The following LAMB1 variants were observed in gnomAD, a reference collection of about 807,000 sequenced individuals.
LAMB1 encodes the protein laminin subunit beta 1.
Under a neutral mutation model 222.3 loss-of-function variants are expected in LAMB1, and 121 were observed. The observed-to-expected ratio is 0.54, with a 90% confidence interval of 0.47 to 0.63. LAMB1 has a LOEUF of 0.63. Among genes scored for constraint, LAMB1 ranks in the 30% least tolerant of loss-of-function variants. The pLI is 0.00. For synonymous variants in LAMB1, 794 were observed against 807.2 expected, an observed-to-expected ratio of 0.98 and a Z score of 0.28; for missense variants, 2,172 against 2,240.8, an observed-to-expected ratio of 0.97 and a Z score of 0.62.
At chr7:107,999,418 A>C (rs934534067) in intron 3 of LAMB1, among the ~76,000 whole-genome samples, 1 of 152,242 alleles carries the variant, frequency 6.6e-6, no homozygotes, top group African/African-American at 2.4e-5. Flanking sequence ...TGAAATACAT[A>C]GAGACCCACA....
chr7:107,997,428 TAAACAAAC>T (rs139032514), intron 4 of LAMB1, among the ~76,000 whole-genome samples: 2 of 151,950 alleles, frequency 1.3e-5, no homozygotes, highest in Non-Finnish European at 2.9e-5. Context: ...GCCTCAAAAA[TAAACAAAC>T]AAACAAACAA....
At chr7:107,941,262 T>C (rs1284405134) in intron 24 of LAMB1, among the ~76,000 whole-genome samples, 1 of 152,210 alleles carries the variant, frequency 6.6e-6, no homozygotes, top group Non-Finnish European at 1.5e-5. Context: ...GATTCCCAAA[T>C]TTCAGGTGAC....
intron 8 of LAMB1, 118 bp downstream of exon 8, chr7:107,980,491 G>A (rs1211042812): frequency 5.1e-6 from 4 of 784,650 alleles, no homozygotes; most frequent in Non-Finnish European, 8.4e-6. Context: ...AGGGCTAAAT[G>A]TAACTCTGTA....
intron 24 of LAMB1, among the ~76,000 whole-genome samples, chr7:107,946,370 T>C (rs1409015350): frequency 1.3e-5 from 2 of 152,272 alleles, no homozygotes; most frequent in Non-Finnish European, 2.9e-5. Context: ...GAGATGAATA[T>C]AATTTTACCT....
chr7:107,931,231 A>G, intron 29 of LAMB1, 125 bp downstream of exon 29: 2 of 771,810 alleles, frequency 2.6e-6, no homozygotes, highest in Non-Finnish European at 4.2e-6. Flanking sequence ...AACATTTAAT[A>G]TACGGACGTT....
Position 107,959,502 on chromosome 7 carries a change from G to A in LAMB1, c.2459-22C>T, listed in dbSNP as rs114203275. On this transcript the variant is annotated intron_variant, in intron 19 of 33. Coordinates refer to ENST00000222399, the MANE Select transcript of LAMB1 (RefSeq NM_002291.3). Reference sequence around the variant, plus strand: ...CAAGCTAAAGAAACAGGCAAACAAGGAACTGCCTTGAGAAACTCATTCAAT... The same window carrying A: ...CAAGCTAAAGAAACAGGCAAACAAGAAACTGCCTTGAGAAACTCATTCAAT... 583 of 1,613,080 alleles carry A rather than the reference G, an allele frequency of 3.6e-4. 1 individual carries two copies. The African/African-American group carries it at 7.2e-3, about 20-fold the overall frequency.
chr7:107,927,153 C>G (rs2116312417), intron 31 of LAMB1, among the ~76,000 whole-genome samples: 1 of 152,214 alleles, frequency 6.6e-6, no homozygotes, highest in Admixed American at 6.5e-5. Context: ...TAATAAGGGT[C>G]AGTATAAGAC....
chr7:108,002,479 T>TG, intron 2 of LAMB1: 1 of 1,222,632 alleles, frequency 8.2e-7, no homozygotes, highest in Non-Finnish European at 1.1e-6. Context: ...TCAGGCACTC[T>TG]CCTGGGCAAT....
At chr7:107,943,973 T>TA (rs1448821539) in intron 24 of LAMB1, among the ~76,000 whole-genome samples, 1 of 152,210 alleles carries the variant, frequency 6.6e-6, no homozygotes, top group Non-Finnish European at 1.5e-5. Context: ...ATGCCATTTG[T>TA]AATAAAACTT....
intron 24 of LAMB1, among the ~76,000 whole-genome samples, chr7:107,946,730 G>A (rs1007885436): frequency 6.6e-6 from 1 of 152,204 alleles, no homozygotes; most frequent in Non-Finnish European, 1.5e-5. Context: ...GATTTTCTGA[G>A]TCACAATGGA....
Position 107,929,553 on chromosome 7 carries a change from C to CT in LAMB1, c.4603dup (p.Ser1535LysfsTer15). On this transcript the variant is annotated frameshift_variant, in exon 30 of 34. Coordinates refer to ENST00000222399, the MANE Select transcript of LAMB1 (RefSeq NM_002291.3). LOFTEE classifies it high-confidence loss of function. ...CAAGTTCTGTAACTGCTGTGGGGTG[C>CT]TAGGCATCTCCATTTTCAATACTTC... 6.2e-7 allele frequency: 1 copy of CT among 1,614,066 alleles called. No homozygotes were observed. Among genetic ancestry groups the CT allele is most frequent in the Non-Finnish European group, 8.5e-7 (1 of 1,179,954 alleles).
At chr7:107,988,637 T>C (rs1417051406) in intron 5 of LAMB1, among the ~76,000 whole-genome samples, 1 of 152,166 alleles carries the variant, frequency 6.6e-6, no homozygotes, top group Non-Finnish European at 1.5e-5. Context: ...CCTAACTCCA[T>C]ACTTCAGGTC....
Position 107,934,439 on chromosome 7 carries a change from A to G in LAMB1, c.4188+976T>C, listed in dbSNP as rs546304722. 3.3e-5 allele frequency among the ~76,000 whole-genome samples: 5 copies of G among 152,306 alleles called. No homozygotes were observed. The East Asian group carries it at 9.7e-4, about 29-fold the overall frequency. The stretch of plus-strand genomic sequence containing the variant: ...ACCCTCCAAATTATTTCACATAGGT[A>G]TCCTTCCTTGAAAACACAGGAAGGA... On this transcript the variant is annotated intron_variant, in intron 27 of 33. Coordinates refer to ENST00000222399, the MANE Select transcript of LAMB1 (RefSeq NM_002291.3).
rs1034532908 is a variant in LAMB1, at chr7:107,974,232, TATCTC to T, written c.1482+749_1482+753del. On this transcript the variant is annotated intron_variant, in intron 12 of 33. Coordinates refer to ENST00000222399, the MANE Select transcript of LAMB1 (RefSeq NM_002291.3). ...TTAAAAATACAGATTTTTAAAAACT[TATCTC>T]ATAATTATCCTACTTGGAATTATTA... Among the ~76,000 whole-genome samples the T allele has an allele frequency of 2.0e-4, 31 of 152,296 alleles. 1 individual carries two copies. The highest frequency in any genetic ancestry group is 5.3e-4 in the African/African-American group (22 of 41,572).
chr7:107,998,797 A>G (rs2034327245), intron 3 of LAMB1, among the ~76,000 whole-genome samples: 1 of 152,260 alleles, frequency 6.6e-6, no homozygotes, highest in Non-Finnish European at 1.5e-5. Flanking sequence ...CTTAATCTCA[A>G]TAAACAGCTA....
At chr7:107,998,565 T>C (rs2034323561) in intron 3 of LAMB1, 73 bp from the exon 4 acceptor site, 9 of 1,336,318 alleles carry the variant, frequency 6.7e-6, no homozygotes, top group Admixed American at 2.1e-5. Flanking sequence ...AAAAACCCCA[T>C]GAAGCTCCTA....
intron 24 of LAMB1, among the ~76,000 whole-genome samples, chr7:107,945,782 A>G (rs2033102598): frequency 6.6e-6 from 1 of 152,208 alleles, no homozygotes; most frequent in African/African-American, 2.4e-5. Flanking sequence ...CTTATATAAT[A>G]TGCCTAAAAG....
chr7:107,986,050 T>C lies in LAMB1; in HGVS notation c.648A>G (p.Ile216Met). 6.2e-7 allele frequency: 1 copy of C among 1,612,236 alleles called. No individual in the cohort carries two copies. Among genetic ancestry groups the C allele is most frequent in the South Asian group, 1.1e-5 (1 of 91,034 alleles). Residue 216 changes from isoleucine to methionine, a missense_variant, in exon 7 of 34, where the codon ATA becomes ATG. By Grantham distance (10) the Ile-to-Met change is conservative. Transcript: ENST00000222399. ...GTATCCTTGGGCTATAAGGATCTTC[T>C]ATTTTGAAAGCAGGATCTAAAGCAC... Reference protein sequence around the residue: ...IFRALDPAFKIEDPYSPRIQN... With the variant: ...IFRALDPAFKMEDPYSPRIQN...
At position 107,974,995 on chromosome 7, in the gene LAMB1, G is replaced by A. The variant is rs2033822268; in HGVS notation, c.1473C>T (p.Asp491=). Residue 491 remains aspartate (D), a synonymous_variant, in exon 12 of 34, where the codon GAC becomes GAT. Transcript: ENST00000222399. ...ATGAGGATTTACTTACCAGGCACTGGTCACAATGCTGTCCTGTCACCAGAC... is the reference window on the plus strand; with the variant it reads ...ATGAGGATTTACTTACCAGGCACTGATCACAATGCTGTCCTGTCACCAGAC... ...CKRLVTGQHC[D]QCLPEHWGLS... 3 of 1,590,324 alleles carry A rather than the reference G, an allele frequency of 1.9e-6. No individual in the cohort carries two copies. The highest frequency in any genetic ancestry group is 1.7e-5 in the Admixed American group (1 of 59,966).
Sources: gnomAD v4.1 joint callset for allele counts (sites outside exome capture counted in the v4.1 genomes callset) on GRCh38, gnomAD v4.1.1 for gene constraint, MANE v1.5 for transcripts, NCBI Gene and HGNC (gene_info 2026-07-23, HGNC 2026-07-21) for gene names.